The following SORBS2 variants were observed in gnomAD, a reference collection of about 807,000 sequenced individuals.
The protein encoded by SORBS2 is sorbin and SH3 domain containing 2.
SORBS2 carries 46 observed loss-of-function variants against 97.7 expected under a neutral mutation model. That is an observed-to-expected ratio of 0.47 (90% CI 0.37 to 0.60). The LOEUF is 0.60. Among genes scored for constraint, SORBS2 ranks in the 20% least tolerant of loss-of-function variants. SORBS2 has a pLI of 0.00. For missense variants in SORBS2, 1,316 were observed against 1,282.3 expected, an observed-to-expected ratio of 1.03 and a Z score of -0.40; for synonymous variants, 476 against 473.4, an observed-to-expected ratio of 1.01 and a Z score of -0.07.
chr4:185,849,521 T>C (rs2099216591), intron 1 of SORBS2, among the ~76,000 whole-genome samples: 1 of 150,392 alleles, frequency 6.6e-6, no homozygotes, highest in Non-Finnish European at 1.5e-5. Flanking sequence ...ATAAAATAAG[T>C]CCACTCCAGT....
At chr4:185,781,970 C>T (rs904996657) in intron 1 of SORBS2, among the ~76,000 whole-genome samples, 3 of 152,210 alleles carry the variant, frequency 2.0e-5, no homozygotes, top group African/African-American at 7.2e-5. Context: ...TGATCGGAGC[C>T]CCTCTCCTCC....
chr4:185,924,739 T>G (rs977712905), intron 1 of SORBS2, among the ~76,000 whole-genome samples: 7 of 152,192 alleles, frequency 4.6e-5, no homozygotes, highest in African/African-American at 1.7e-4. Flanking sequence ...TCCAGACTCC[T>G]CATATAAGCA....
chr4:185,903,135 T>C (rs899960598), intron 1 of SORBS2, among the ~76,000 whole-genome samples: 4 of 152,184 alleles, frequency 2.6e-5, no homozygotes, highest in Non-Finnish European at 4.4e-5. Context: ...ACTAAAGCAC[T>C]GAAAGAAACA....
intron 2 of SORBS2, among the ~76,000 whole-genome samples, chr4:185,767,227 G>A (rs150801968): frequency 2.0e-5 from 3 of 152,068 alleles, no homozygotes; most frequent in African/African-American, 4.8e-5. Flanking sequence ...GGCCGGGCGC[G>A]GTGGCTCAGG....
At chr4:185,738,259 G>A (rs1420532652) in intron 2 of SORBS2, among the ~76,000 whole-genome samples, 1 of 152,138 alleles carries the variant, frequency 6.6e-6, no homozygotes, top group Non-Finnish European at 1.5e-5. Flanking sequence ...TGAGAAATTG[G>A]CTGCTTTCGG....
At chr4:185,791,642 G>A (rs970603855) in intron 1 of SORBS2, among the ~76,000 whole-genome samples, 6 of 151,722 alleles carry the variant, frequency 4.0e-5, no homozygotes, top group Admixed American at 1.3e-4. Context: ...AATCTGCAAC[G>A]TGGAATTTAT....
intron 2 of SORBS2, among the ~76,000 whole-genome samples, chr4:185,748,272 C>A (rs191841242): frequency 1.9e-4 from 29 of 152,228 alleles, no homozygotes; most frequent in African/African-American, 6.5e-4. Flanking sequence ...CCTCGGCGTG[C>A]GAGGAGTGCA....
upstream of SORBS2, among the ~76,000 whole-genome samples, chr4:185,659,610 A>T (rs2153472507): frequency 6.6e-6 from 1 of 151,166 alleles, no homozygotes; most frequent in Non-Finnish European, 1.5e-5. Context: ...TTTAGTAGAG[A>T]CGGGGTTTCA....
intron 4 of SORBS2, chr4:185,665,977 T>C (rs2097590045): frequency 1.3e-5 from 16 of 1,272,390 alleles, no homozygotes; most frequent in Non-Finnish European, 1.5e-5. Context: ...CAGGTGTTTG[T>C]ATAAGCAATG....
chr4:185,650,048 T>A (rs2097285849), intron 2 of SORBS2, among the ~76,000 whole-genome samples: 1 of 152,196 alleles, frequency 6.6e-6, no homozygotes, highest in Admixed American at 6.5e-5. Context: ...CCAAATATCT[T>A]CTAATACTTT....
At chr4:185,933,968 A>G (rs945659375) in intron 1 of SORBS2, among the ~76,000 whole-genome samples, 2 of 152,160 alleles carry the variant, frequency 1.3e-5, no homozygotes, top group African/African-American at 4.8e-5. Context: ...TAAGCTGCAC[A>G]CTTTCCAGAG....
intron 1 of SORBS2, among the ~76,000 whole-genome samples, chr4:185,942,600 C>T (rs1019474273): frequency 2.6e-5 from 4 of 152,120 alleles, no homozygotes; most frequent in Non-Finnish European, 5.9e-5. Context: ...CCACCCGCCT[C>T]GGCCTCCCAA....
At chr4:185,907,475 A>G (rs2099251676) in intron 1 of SORBS2, among the ~76,000 whole-genome samples, 1 of 152,150 alleles carries the variant, frequency 6.6e-6, no homozygotes, top group South Asian at 2.1e-4. Flanking sequence ...TCATGTTTCC[A>G]TTTTAACTTT....
intron 1 of SORBS2, among the ~76,000 whole-genome samples, chr4:185,830,703 G>C (rs1484435966): frequency 6.6e-6 from 1 of 152,148 alleles, no homozygotes; most frequent in East Asian, 1.9e-4. Context: ...GCTGTTTGTT[G>C]AAGTAACATG....
exon 12 of SORBS2, chr4:185,611,811 C>G (rs2153403632): frequency 6.2e-7 from 1 of 1,614,054 alleles, no homozygotes. Context: ...AATCCTATCA[C>G]TAGAATAGCT....
At chr4:185,656,884 A>C in exon 1 of SORBS2, 1 of 1,273,488 alleles carries the variant, frequency 7.9e-7, no homozygotes, top group Non-Finnish European at 9.9e-7. Context: ...GGGACATTAA[A>C]ATGTGTATTT....
intron 1 of SORBS2, among the ~76,000 whole-genome samples, chr4:185,893,360 G>A (rs1239558720): frequency 6.6e-6 from 1 of 152,208 alleles, no homozygotes; most frequent in African/African-American, 2.4e-5. Flanking sequence ...CTGCCGCGCT[G>A]GAGCAAAGGC....
chr4:185,710,357 G>C (rs1040907143), intron 2 of SORBS2, among the ~76,000 whole-genome samples: 3 of 152,194 alleles, frequency 2.0e-5, no homozygotes, highest in Non-Finnish European at 2.9e-5. Flanking sequence ...CAGCATGCTA[G>C]TGGCCAAAAG....
At chr4:185,627,385 A>T (rs1347975901) in intron 5 of SORBS2, among the ~76,000 whole-genome samples, 1 of 151,748 alleles carries the variant, frequency 6.6e-6, no homozygotes, top group African/African-American at 2.4e-5. Flanking sequence ...AATTTTTTTA[A>T]ATTTGTTATT....
Sources: allele counts gnomAD v4.1 joint callset (sites outside exome capture counted in the v4.1 genomes callset), GRCh38; gene constraint gnomAD v4.1.1; transcripts MANE v1.5; gene names NCBI Gene and HGNC (gene_info 2026-07-23, HGNC 2026-07-21).